DOCK11: variants seen among roughly 807,000 people sequenced by gnomAD.
DOCK11 encodes the protein dedicator of cytokinesis protein 11.
DOCK11 carries 70 observed loss-of-function variants against 169.1 expected under a neutral mutation model. The ratio of observed to expected loss-of-function variants is 0.41; its 90% CI spans 0.34 to 0.51. The LOEUF (loss-of-function observed/expected upper bound fraction) is 0.51, where lower values mean the gene tolerates loss of function less well. Among genes scored for constraint, DOCK11 ranks in the 20% least tolerant of loss-of-function variants. The probability of loss-of-function intolerance (pLI) is 0.10; values close to 1 mark genes in which losing one functional copy is unlikely to be tolerated. For missense variants in DOCK11, 1,166 were observed against 1,538.8 expected, an observed-to-expected ratio of 0.76 and a Z score of 4.05; for synonymous variants, 529 against 541.3, an observed-to-expected ratio of 0.98 and a Z score of 0.32.
chrX:118,610,454 C>A lies in DOCK11; in HGVS notation c.3096+36C>A, dbSNP rs747723584. ...GGCAGCTAGAATGTGGTAAGGAACT[C>A]CTCTTCATTGATAGGAAGCCCAAGA... On this transcript the variant is annotated intron_variant, in intron 28 of 52. Coordinates refer to ENST00000276202, the MANE Select transcript of DOCK11 (RefSeq NM_144658.4). 1.9e-5 allele frequency: 23 copies of A among 1,186,826 alleles called. 1 individual carries two copies. The South Asian group carries it at 4.0e-4, about 21-fold the overall frequency.
intron 34 of DOCK11, 86 bp downstream of exon 34, chrX:118,628,358 C>T: frequency 1.8e-6 from 1 of 547,591 alleles, no homozygotes; most frequent in Middle Eastern, 3.5e-4. Context: ...CATCTGTACT[C>T]ACCTGTAGTC....
In DOCK11 at chrX:118,578,372, G is replaced by C. The variant is rs767793715; in HGVS notation, c.1390-153G>C. Among the ~76,000 whole-genome samples the C allele has an allele frequency of 1.9e-4, 21 of 111,991 alleles. No individual in the cohort carries two copies. In the South Asian group the frequency reaches 7.4e-3, roughly 39 times the overall value. On this transcript the variant is annotated intron_variant, in intron 12 of 52. Coordinates refer to ENST00000276202, the MANE Select transcript of DOCK11 (RefSeq NM_144658.4). ...TTTTGAAAGGAACGTTGGAAGCTTTGAAAACTCTATGAAAGGAAATTCTAT... is the reference window on the plus strand; with the variant it reads ...TTTTGAAAGGAACGTTGGAAGCTTTCAAAACTCTATGAAAGGAAATTCTAT...
At chrX:118,593,435 T>C (rs1311685048) in intron 20 of DOCK11, 98 bp downstream of exon 20, 3 of 870,686 alleles carry the variant, frequency 3.4e-6, no homozygotes, top group Non-Finnish European at 4.6e-6. Context: ...ACTTCTCCCC[T>C]TGACCAAAAA....
intron 12 of DOCK11, among the ~76,000 whole-genome samples, chrX:118,575,623 T>TAGC (rs1223303656): frequency 8.9e-6 from 1 of 112,075 alleles, no homozygotes; most frequent in Non-Finnish European, 1.9e-5. Context: ...TTGTCCCTTA[T>TAGC]CCCCTGATAG....
At chrX:118,647,717 TATA>T (rs1314118969) in intron 40 of DOCK11, among the ~76,000 whole-genome samples, 3 of 55,547 alleles carry the variant, frequency 5.4e-5, no homozygotes, top group African/African-American at 1.5e-4. Flanking sequence ...TAATATAATA[TATA>T]ATAATTAATA....
At chrX:118,610,466 T>C in intron 28 of DOCK11, 48 bp downstream of exon 28, 1 of 1,174,908 alleles carries the variant, frequency 8.5e-7, no homozygotes, top group Middle Eastern at 2.4e-4. Flanking sequence ...TCTTCATTGA[T>C]AGGAAGCCCA....
intron 4 of DOCK11, 144 bp from the exon 5 acceptor site, chrX:118,545,179 G>GT: frequency 2.5e-6 from 1 of 393,705 alleles, no homozygotes; most frequent in Non-Finnish European, 4.4e-6. Flanking sequence ...AGAATAGGAT[G>GT]TCTTGGCATT....
At chrX:118,573,563 CTT>C (rs1437283574) in intron 11 of DOCK11, among the ~76,000 whole-genome samples, 1 of 111,495 alleles carries the variant, frequency 9.0e-6, no homozygotes, top group African/African-American at 3.3e-5. Context: ...TTTTGGTAAA[CTT>C]TATAACTTGT....
At chrX:118,617,852 C>T (rs2014864878) in intron 30 of DOCK11, among the ~76,000 whole-genome samples, 2 of 111,509 alleles carry the variant, frequency 1.8e-5, no homozygotes, top group African/African-American at 3.3e-5. Flanking sequence ...CACTGAGCTC[C>T]AGCCTGGGCA....
At chrX:118,649,571 T>A (rs780104615) in intron 41 of DOCK11, among the ~76,000 whole-genome samples, 1 of 111,668 alleles carries the variant, frequency 9.0e-6, no homozygotes, top group East Asian at 2.8e-4. Context: ...CAGGCTGGAG[T>A]GCTGTGGCAT....
chrX:118,633,454 T>C (rs921499839), intron 35 of DOCK11: 2 of 111,948 alleles, frequency 1.8e-5, no homozygotes, highest in Non-Finnish European at 3.8e-5. Context: ...GTGTCCCTTT[T>C]GGCTGGCCAA....
rs138113333 is a variant in DOCK11 at position 118,534,965 on chromosome X, T to A, written c.103-7760T>A. On this transcript the variant is annotated intron_variant, in intron 1 of 52. Coordinates refer to ENST00000276202, the MANE Select transcript of DOCK11 (RefSeq NM_144658.4). ...TAAGGTGCTAATCCCTACTCACTGATGACAAATGCTAAATTGGAAGCAACA... is the reference window on the plus strand; with the variant it reads ...TAAGGTGCTAATCCCTACTCACTGAAGACAAATGCTAAATTGGAAGCAACA... Among the ~76,000 whole-genome samples, 268 of 111,899 alleles carry A rather than the reference T, an allele frequency of 2.4e-3. 1 individual carries two copies. Among genetic ancestry groups the A allele is most frequent in the African/African-American group, 7.8e-3 (239 of 30,777 alleles).
At chrX:118,567,369 C>T (rs1009551826) in intron 9 of DOCK11, among the ~76,000 whole-genome samples, 2 of 109,728 alleles carry the variant, frequency 1.8e-5, no homozygotes, top group Admixed American at 9.7e-5. Flanking sequence ...TAAATTTACC[C>T]CTCATAAACT....
At chrX:118,597,794 A>T (rs2014214624) in intron 21 of DOCK11, among the ~76,000 whole-genome samples, 1 of 111,847 alleles carries the variant, frequency 8.9e-6, no homozygotes, top group South Asian at 3.7e-4. Flanking sequence ...GCATAATTTT[A>T]AAAAATTATT....
chrX:118,673,046 C>G (rs980931207), intron 46 of DOCK11, among the ~76,000 whole-genome samples: 1 of 111,869 alleles, frequency 8.9e-6, no homozygotes, highest in South Asian at 3.7e-4. Flanking sequence ...CCCCTCCTAT[C>G]AAAGCATTAC....
chrX:118,580,506 G>A (rs374368839), intron 14 of DOCK11, among the ~76,000 whole-genome samples: 3 of 111,168 alleles, frequency 2.7e-5, no homozygotes, highest in Admixed American at 9.5e-5. Context: ...TAGTAGAGAC[G>A]GGGTTTCACC....
At chrX:118,553,358 T>G (rs772328304) in intron 6 of DOCK11, among the ~76,000 whole-genome samples, 1 of 111,496 alleles carries the variant, frequency 9.0e-6, no homozygotes, top group East Asian at 2.8e-4. Context: ...TTCAGGGTGG[T>G]TTTTCATTTT....
chrX:118,648,638 AATAG>A (rs1173015244), intron 40 of DOCK11, among the ~76,000 whole-genome samples: 2 of 100,966 alleles, frequency 2.0e-5, no homozygotes, highest in Non-Finnish European at 3.9e-5. Flanking sequence ...TATAATATAT[AATAG>A]ATATAATATA....
Position 118,675,556 on chromosome X carries a change from C to T in DOCK11, c.5200-380C>T, listed in dbSNP as rs929970082. Among the ~76,000 whole-genome samples the T allele has an allele frequency of 2.8e-5, 3 of 105,418 alleles. No homozygotes were observed. The Admixed American group carries it at 3.1e-4, about 11-fold the overall frequency. 91.5% of individuals were successfully genotyped at this position (105,418 alleles called of 115,157 possible). On this transcript the variant is annotated intron_variant, in intron 46 of 52. Coordinates refer to ENST00000276202, the MANE Select transcript of DOCK11 (RefSeq NM_144658.4). ...GAACCCATGGACACAGAGAGGGGAACAACTCACACAGGGCTTGTTGTGGGG... is the reference window on the plus strand; with the variant it reads ...GAACCCATGGACACAGAGAGGGGAATAACTCACACAGGGCTTGTTGTGGGG...
Sources: gnomAD v4.1 joint callset for allele counts (sites outside exome capture counted in the v4.1 genomes callset) on GRCh38, gnomAD v4.1.1 for gene constraint, MANE v1.5 for transcripts, NCBI Gene and HGNC (gene_info 2026-07-23, HGNC 2026-07-21) for gene names.